Variants in LLGL2 observed in about 807,000 individuals in gnomAD.
The protein encoded by LLGL2 is LLGL2, scribble cell polarity complex component.
A neutral mutation model predicts 123.2 loss-of-function variants in LLGL2; 81 were observed. The observed-to-expected ratio is 0.66, with a 90% CI of 0.55 to 0.79. The LOEUF (loss-of-function observed/expected upper bound fraction) is 0.79. LLGL2 is among the 30% of genes least tolerant of loss of function. LLGL2 has a pLI of 0.00. For missense variants in LLGL2, 1,273 were observed against 1,414.6 expected (o/e 0.90, Z 1.61); for synonymous variants, 577 against 594.1 (o/e 0.97, Z 0.42).
intron 17 of LLGL2, 167 bp from the exon 18 acceptor site, chr17:75,571,500 G>A (rs1048454449): frequency 1.6e-6 from 1 of 618,120 alleles, no homozygotes; most frequent in East Asian, 2.7e-5. Flanking sequence ...ATCACAGCAA[G>A]GGCTGAGCTG....
chr17:75,535,089 C>T (rs528491814), intron 1 of LLGL2, among the ~76,000 whole-genome samples: 4 of 152,278 alleles, frequency 2.6e-5, no homozygotes, highest in East Asian at 1.9e-4. Flanking sequence ...CTTCCCAGGG[C>T]GACATGGGCA....
At chr17:75,537,809 CTT>C (rs563954111) in intron 1 of LLGL2, among the ~76,000 whole-genome samples, 16 of 130,156 alleles carry the variant, frequency 1.2e-4, no homozygotes, top group Admixed American at 1.6e-4. Context: ...GGAAGGTGAC[CTT>C]TTTTTTTTTT....
rs2147270134 is a variant in LLGL2 at position 75,549,929 on chromosome 17, C to A, written c.76-6117C>A. Among the ~76,000 whole-genome samples the A allele has an allele frequency of 6.6e-6, 1 of 152,348 alleles. No individual in the cohort carries two copies. Among genetic ancestry groups the A allele is most frequent in the East Asian group, 1.9e-4 (1 of 5,186 alleles). On this transcript the variant is annotated intron_variant, in intron 2 of 25. Coordinates refer to ENST00000392550, the MANE Select transcript of LLGL2 (RefSeq NM_001031803.2). This position sits in a 1 kb window ranked among gnomAD's most constrained non-coding sequence, Gnocchi z 4.0. Reference sequence around the variant, plus strand: ...CCCTACTCCAGGCTAACGTTGCAGTCTGGCGGCTTCTGCAAATCTTTGCTC... The same window carrying A: ...CCCTACTCCAGGCTAACGTTGCAGTATGGCGGCTTCTGCAAATCTTTGCTC...
chr17:75,569,355 G>C, intron 14 of LLGL2, 30 bp downstream of exon 14: 1 of 1,561,384 alleles, frequency 6.4e-7, no homozygotes, highest in Non-Finnish European at 8.8e-7. Context: ...AGGGGGAGCT[G>C]GGGAGGAGTG....
At chr17:75,573,815 G>A in intron 21 of LLGL2, 137 bp from the exon 22 acceptor site, 2 of 1,241,982 alleles carry the variant, frequency 1.6e-6, no homozygotes, top group Non-Finnish European at 2.3e-6. Context: ...GGCAGTCCAG[G>A]GCAGGACTCA....
rs760690036 is a variant in LLGL2 at position 75,563,799 on chromosome 17, A to G, written c.874A>G (p.Arg292Gly). Residue 292 changes from arginine (R) to glycine (G), a missense_variant, in exon 9 of 26, where the codon AGG becomes GGG. Coordinates refer to ENST00000392550, the MANE Select transcript of LLGL2 (RefSeq NM_001031803.2). ...TACCAGAATCCTCTGGCTGACCACTAGGCAGGGGTAGGTATCCATGCTGGT... is the reference window on the plus strand; with the variant it reads ...TACCAGAATCCTCTGGCTGACCACTGGGCAGGGGTAGGTATCCATGCTGGT... Reference protein sequence around the residue: ...AITRILWLTTRQGLPFTIFQG... With the variant: ...AITRILWLTTGQGLPFTIFQG... 5.0e-6 allele frequency: 8 copies of G among 1,613,898 alleles called. No individual in the cohort carries two copies. Among genetic ancestry groups the G allele is most frequent in the Admixed American group, 1.7e-5 (1 of 60,020 alleles).
In LLGL2 at chr17:75,558,841, ACCCCACCTCCTCCATCCG is replaced by A. The variant is rs1568051911; in HGVS notation, c.371+216_371+233del. The A allele has an allele frequency of 4.9e-3, 1,823 of 368,558 alleles. 54 individuals are homozygous for A. Among genetic ancestry groups the A allele is most frequent in the Non-Finnish European group, 6.2e-3 (1,271 of 205,210 alleles). The allele number at this position is 368,558 out of a possible 1,614,324, so 22.8% of individuals were successfully genotyped here. A position where few individuals can be genotyped will look rare whatever the true frequency, so the allele number is the denominator to read the frequency against. On this transcript the variant is annotated intron_variant, in intron 5 of 25. Coordinates refer to ENST00000392550, the MANE Select transcript of LLGL2 (RefSeq NM_001031803.2). The surrounding 1 kb of genome is among the most constrained non-coding windows in gnomAD (Gnocchi z 4.0). ...TCCACACCACGCCTCCTCCATCCGC[ACCCCACCTCCTCCATCCG>A]CACCCCGCCTCCTCCATCCGCACCC...
intron 23 of LLGL2, 87 bp downstream of exon 23, chr17:75,574,347 G>T: frequency 6.5e-7 from 1 of 1,529,646 alleles, no homozygotes. Context: ...CCACTGCCCT[G>T]AGGCGGGGTA....
At chr17:75,527,576 C>CT (rs759293550) in intron 1 of LLGL2, among the ~76,000 whole-genome samples, 33 of 150,736 alleles carry the variant, frequency 2.2e-4, no homozygotes, top group East Asian at 3.9e-4. Context: ...ACTTTTTTCT[C>CT]TTTTTTTTTC....
rs1310170723 is a variant in LLGL2 at position 75,544,501 on chromosome 17, C to T, written c.75+1000C>T. On this transcript the variant is annotated intron_variant, in intron 2 of 25. Coordinates refer to ENST00000392550, the MANE Select transcript of LLGL2 (RefSeq NM_001031803.2). This position sits in a 1 kb window ranked among gnomAD's most constrained non-coding sequence, Gnocchi z 4.2. ...TTGATTTGAGAACTGTAGAAGTCAG[C>T]TTGCCCAGGTGCAAACCCAACTTTG... Among the ~76,000 whole-genome samples the T allele has an allele frequency of 6.6e-6, 1 of 152,266 alleles. No individual in the cohort carries two copies. Among genetic ancestry groups the T allele is most frequent in the Non-Finnish European group, 1.5e-5 (1 of 68,042 alleles).
At chr17:75,556,927 G>C (rs1421252465) in intron 3 of LLGL2, among the ~76,000 whole-genome samples, 1 of 152,114 alleles carries the variant, frequency 6.6e-6, no homozygotes, top group Non-Finnish European at 1.5e-5. Flanking sequence ...TACTTGGGAG[G>C]CTGAGATGGG....
At chr17:75,541,160 A>G (rs1489397835) in intron 1 of LLGL2, among the ~76,000 whole-genome samples, 1 of 152,096 alleles carries the variant, frequency 6.6e-6, no homozygotes, top group African/African-American at 2.4e-5. Flanking sequence ...CCCAGCCCCC[A>G]GTTCTGCCTT....
chr17:75,569,614 C>T (rs1011329325), intron 14 of LLGL2, among the ~76,000 whole-genome samples: 1 of 152,078 alleles, frequency 6.6e-6, no homozygotes, highest in African/African-American at 2.4e-5. Flanking sequence ...ACCAGCCTGG[C>T]CAACATGGTG....
intron 1 of LLGL2, 35 bp from the exon 2 acceptor site, chr17:75,543,362 A>G: frequency 2.7e-6 from 4 of 1,484,518 alleles, no homozygotes; most frequent in Admixed American, 3.9e-5. Flanking sequence ...CCTGAGTGCC[A>G]GGACAGACCC....
intron 2 of LLGL2, chr17:75,546,354 C>G (rs943901051): frequency 6.5e-6 from 1 of 153,106 alleles, no homozygotes; most frequent in Admixed American, 6.4e-5. Flanking sequence ...GGCTCGCCAG[C>G]TGTGTGACCT....
intron 1 of LLGL2, among the ~76,000 whole-genome samples, chr17:75,529,703 A>G (rs2053705770): frequency 6.6e-6 from 1 of 151,906 alleles, no homozygotes; most frequent in African/African-American, 2.4e-5. Flanking sequence ...TCTACTAAAA[A>G]TACAAAAATT....
chr17:75,556,237 TGG>T (rs2054909186), intron 3 of LLGL2, 94 bp downstream of exon 3: 2 of 955,550 alleles, frequency 2.1e-6, no homozygotes, highest in African/African-American at 3.2e-5. Flanking sequence ...CGTGGGCTGT[TGG>T]GATAAAATGA....
chr17:75,558,368 CCCT>C lies in LLGL2; in HGVS notation c.255+135_255+137del. 2 of 1,147,512 alleles carry C rather than the reference CCCT, an allele frequency of 1.7e-6. No individual in the cohort carries two copies. Among genetic ancestry groups the C allele is most frequent in the Non-Finnish European group, 2.5e-6 (2 of 811,712 alleles). 71.1% of individuals were successfully genotyped at this position (1,147,512 alleles called of 1,614,324 possible). On this transcript the variant is annotated intron_variant, in intron 4 of 25. Coordinates refer to ENST00000392550, the MANE Select transcript of LLGL2 (RefSeq NM_001031803.2). This position sits in a 1 kb window ranked among gnomAD's most constrained non-coding sequence, Gnocchi z 4.0. ...GCTGCTGATGGAAAGACCTGGGACC[CCCT>C]CCCTTTCCACAGCTGGGGCTCATGG...
rs974635538 is a variant in LLGL2, at chr17:75,549,003, C to T, written c.75+5502C>T. On this transcript the variant is annotated intron_variant, in intron 2 of 25. Transcript: ENST00000392550. This position sits in a 1 kb window ranked among gnomAD's most constrained non-coding sequence, Gnocchi z 4.0. ...TCTGCAGGGGAGGAGACTAAGGCCC[C>T]CAGGGCTTGCACAGCTGGAGCTTAT... 6.6e-6 allele frequency among the ~76,000 whole-genome samples: 1 copy of T among 152,112 alleles called. No homozygotes were observed. The highest frequency in any genetic ancestry group is 6.5e-5 in the Admixed American group (1 of 15,270).
Sources: allele counts gnomAD v4.1 joint callset (sites outside exome capture counted in the v4.1 genomes callset), GRCh38; gene constraint gnomAD v4.1.1; non-coding constraint Gnocchi (gnomAD v3.1); transcripts MANE v1.5; gene names NCBI Gene and HGNC (gene_info 2026-07-23, HGNC 2026-07-21).